IQCE: variants seen among roughly 807,000 people sequenced by gnomAD.
The protein encoded by IQCE is IQ domain-containing protein E.
IQCE carries 115 observed loss-of-function variants against 96.0 expected under a neutral mutation model. The observed-to-expected ratio is 1.20, with a 90% CI of 1.03 to 1.40. The LOEUF is 1.40. IQCE is among the 40% of genes most tolerant of loss of function. The probability of loss-of-function intolerance (pLI) is 0.00; values close to 1 mark genes in which losing one functional copy is unlikely to be tolerated. For synonymous variants in IQCE, 412 were observed against 371.2 expected (o/e 1.11, Z -1.26); for missense variants, 1,041 against 909.1 (o/e 1.15, Z -1.87).
chr7:2,584,333 G>A, intron 11 of IQCE, 48 bp downstream of exon 11: 1 of 1,563,386 alleles, frequency 6.4e-7, no homozygotes, highest in African/African-American at 1.4e-5. Flanking sequence ...CCTTCACGTT[G>A]TGGAAGCTCC....
chr7:2,605,498 C>T (rs4721873), intron 19 of IQCE, among the ~76,000 whole-genome samples: 50,458 of 151,706 alleles, frequency 0.33, 8,678 homozygotes, highest in East Asian at 0.51. Context: ...CGGGCGCCCG[C>T]AGTCCCAGCT....
intron 21 of IQCE, 30 bp from the exon 22 acceptor site, chr7:2,610,014 G>A: frequency 7.8e-7 from 1 of 1,279,268 alleles, no homozygotes; most frequent in Non-Finnish European, 1.1e-6. Context: ...CAGCGTGGCT[G>A]ACCCCTCTCC....
rs759083098 is a variant in IQCE at position 2,598,424 on chromosome 7, C to T, written c.1441-41C>T. ...CCTTGCCGGATACTGGTTGTCCCTG[C>T]CCTGGCTTCATTGTCCTCTTACTCC... is the stretch of plus-strand genomic sequence containing the variant. On this transcript the variant is annotated intron_variant, in intron 16 of 21. Transcript: ENST00000402050. The T allele has an allele frequency of 1.3e-5, 20 of 1,526,456 alleles. No homozygotes were observed. In the East Asian group the frequency reaches 4.7e-4, roughly 36 times the overall value. 94.6% of individuals were successfully genotyped at this position (1,526,456 alleles called of 1,614,324 possible). A position where few individuals can be genotyped will look rare whatever the true frequency, so the allele number is the denominator to read the frequency against.
chr7:2,613,482 T>C lies in IQCE; in HGVS notation c.*3320T>C, dbSNP rs1785183223. The C allele has an allele frequency of 6.6e-6, 1 of 152,050 alleles. No individual in the cohort carries two copies. Among genetic ancestry groups the C allele is most frequent in the Non-Finnish European group, 1.5e-5 (1 of 67,996 alleles). The allele number at this position is 152,050 out of a possible 1,614,324, so 9.4% of individuals were successfully genotyped here. On this transcript the variant is annotated 3_prime_UTR_variant, in exon 22 of 22. Coordinates refer to ENST00000402050, the MANE Select transcript of IQCE (RefSeq NM_152558.5). ...CCCAGCGTGTCCTGCTCATCCAGGA[T>C]GGGGAGAAAGAGGAGGAGGCCCCAG...
intron 5 of IQCE, 48 bp downstream of exon 5, chr7:2,572,374 G>C (rs1465423200): frequency 3.8e-6 from 6 of 1,589,142 alleles, no homozygotes; most frequent in Non-Finnish European, 5.1e-6. Flanking sequence ...AGAGCAGAAA[G>C]GAAAGGACAG....
intron 9 of IQCE, 129 bp from the exon 10 acceptor site, chr7:2,583,508 G>A: frequency 2.2e-6 from 1 of 463,106 alleles, no homozygotes; most frequent in Non-Finnish European, 3.7e-6. Context: ...GCCCGTTCAG[G>A]CTTTTCCCTC....
rs900146715 is a variant in IQCE, at chr7:2,573,416, A to G, written c.395-2A>G. The G allele has an allele frequency of 2.9e-6, 4 of 1,394,546 alleles. No individual in the cohort carries two copies. In the African/African-American group the frequency reaches 5.7e-5, roughly 20 times the overall value. 86.4% of individuals were successfully genotyped at this position (1,394,546 alleles called of 1,614,324 possible). A position where few individuals can be genotyped will look rare whatever the true frequency, so the allele number is the denominator to read the frequency against. ...TGAAACGATTTGTTTATGTTTCTCT[A>G]GGTCATGTCCCTGGGACTCCTGTCT... On this transcript the variant is annotated splice_acceptor_variant, in intron 5 of 21. Transcript: ENST00000402050. LOFTEE classifies it high-confidence loss of function.
intron 10 of IQCE, among the ~76,000 whole-genome samples, 177 bp downstream of exon 10, chr7:2,583,886 GGCGGGCACC>G: frequency 1.8e-5 from 1 of 56,758 alleles, no homozygotes; most frequent in Non-Finnish European, 3.6e-5. Flanking sequence ...CGGGGCGGAG[GGCGGGCACC>G]GTGCTGGGCG....
At chr7:2,567,387 C>T (rs989887800) in intron 2 of IQCE, among the ~76,000 whole-genome samples, 4 of 152,258 alleles carry the variant, frequency 2.6e-5, no homozygotes, top group African/African-American at 9.6e-5. Context: ...CTGAGCAGGG[C>T]TCATGTGAGA....
intron 9 of IQCE, among the ~76,000 whole-genome samples, 160 bp from the exon 10 acceptor site, chr7:2,583,477 C>T (rs1327945448): frequency 1.3e-5 from 2 of 152,028 alleles, no homozygotes; most frequent in South Asian, 2.1e-4. Flanking sequence ...GTCACTTGTT[C>T]AAGGAACAAG....
chr7:2,565,256 C>CGT (rs139694552), intron 1 of IQCE, among the ~76,000 whole-genome samples: 4 of 148,354 alleles, frequency 2.7e-5, no homozygotes, highest in Non-Finnish European at 3.0e-5. Context: ...TGTGTGCATG[C>CGT]GTGTGTGTGT....
At chr7:2,585,707 G>C (rs1343212406) in intron 11 of IQCE, among the ~76,000 whole-genome samples, 2 of 152,246 alleles carry the variant, frequency 1.3e-5, no homozygotes, top group Admixed American at 6.5e-5. Context: ...GCGCGCCAGC[G>C]ACTGGCATTT....
chr7:2,565,371 C>T (rs778703103), intron 1 of IQCE, among the ~76,000 whole-genome samples: 6 of 152,200 alleles, frequency 3.9e-5, no homozygotes, highest in Admixed American at 6.5e-5. Context: ...GCACTATGAC[C>T]GGCAGGCTGG....
chr7:2,571,784 A>G (rs1393020433), intron 4 of IQCE, 130 bp downstream of exon 4: 3 of 1,042,324 alleles, frequency 2.9e-6, no homozygotes, highest in Non-Finnish European at 2.8e-6. Flanking sequence ...TCTCGAAGAC[A>G]TCAAATATAC....
In IQCE at chr7:2,612,719, T is replaced by C. The variant is rs1379708562; in HGVS notation, c.*2557T>C. 21 of 106,182 alleles carry C rather than the reference T, an allele frequency of 2.0e-4. No homozygotes were observed. The highest frequency in any genetic ancestry group is 2.0e-5 in the Non-Finnish European group (1 of 51,044). 6.6% of individuals were successfully genotyped at this position (106,182 alleles called of 1,614,324 possible). A position where few individuals can be genotyped will look rare whatever the true frequency, so the allele number is the denominator to read the frequency against. On this transcript the variant is annotated 3_prime_UTR_variant, in exon 22 of 22. Transcript: ENST00000402050. ...GGGCGGGGCCTAGTCACGGGAGAGG[T>C]GAGCTGTGGGCGGGGCCTAGTCATG...
chr7:2,579,842 C>T (rs1183200266), intron 8 of IQCE, among the ~76,000 whole-genome samples: 7 of 151,838 alleles, frequency 4.6e-5, no homozygotes, highest in Admixed American at 1.3e-4. Context: ...CTCACGTGAT[C>T]CCTGGCTTAG....
chr7:2,561,780 T>C (rs958487482), intron 1 of IQCE, among the ~76,000 whole-genome samples: 1 of 152,244 alleles, frequency 6.6e-6, no homozygotes, highest in Non-Finnish European at 1.5e-5. Context: ...TCATTTATTA[T>C]GTTTACTAGT....
At chr7:2,587,038 G>C (rs1027352968) in intron 12 of IQCE, among the ~76,000 whole-genome samples, 3 of 152,220 alleles carry the variant, frequency 2.0e-5, no homozygotes, top group Non-Finnish European at 4.4e-5. Context: ...GGCCTGGATG[G>C]GGGCAGCAGT....
At chr7:2,587,331 C>T (rs1184064460) in intron 12 of IQCE, among the ~76,000 whole-genome samples, 1 of 151,608 alleles carries the variant, frequency 6.6e-6, no homozygotes, top group African/African-American at 2.4e-5. Flanking sequence ...ATGTGGGTCA[C>T]CAGCACTTAG....
Sources: gnomAD v4.1 joint callset for allele counts (sites outside exome capture counted in the v4.1 genomes callset) on GRCh38, gnomAD v4.1.1 for gene constraint, MANE v1.5 for transcripts, NCBI Gene and HGNC (gene_info 2026-07-23, HGNC 2026-07-21) for gene names.